Variants in ZNF180 observed in about 807,000 individuals in gnomAD.
ZNF180 encodes the protein zinc finger protein 180 (HHZ168).
ZNF180 carries 11 observed loss-of-function variants against 11.8 expected under a neutral mutation model. That is an observed-to-expected ratio of 0.93 (90% confidence interval 0.59 to 1.55). The LOEUF (loss-of-function observed/expected upper bound fraction) is 1.55, where lower values mean the gene tolerates loss of function less well. ZNF180 is among the 40% of genes most tolerant of loss of function. The probability of loss-of-function intolerance (pLI) is 0.00; values close to 1 mark genes in which losing one functional copy is unlikely to be tolerated. For missense variants in ZNF180, 773 were observed against 781.7 expected (o/e 0.99, Z 0.13); for synonymous variants, 287 against 257.7 (o/e 1.11, Z -1.09).
chr19:44,498,463 G>C (rs891916647), intron 1 of ZNF180, among the ~76,000 whole-genome samples: 3 of 152,052 alleles, frequency 2.0e-5, no homozygotes, highest in African/African-American at 7.3e-5. Flanking sequence ...TTACTCCACA[G>C]CCCCCTGCTT....
chr19:44,500,253 G>C (rs12977470), intron 1 of ZNF180, 22 bp downstream of exon 1: 728,364 of 1,613,442 alleles, frequency 0.45, 170,450 homozygotes, highest in South Asian at 0.52. Context: ...GACACCAAGC[G>C]CTGCCCCACG....
intron 3 of ZNF180, among the ~76,000 whole-genome samples, chr19:44,480,585 T>C (rs942791312): frequency 1.3e-5 from 2 of 152,230 alleles, no homozygotes; most frequent in Non-Finnish European, 2.9e-5. Flanking sequence ...TACTTAGGAC[T>C]GGAAGAATTT....
rs78758735 is a variant in ZNF180 at position 44,481,300 on chromosome 19, A to G, written c.127-1891T>C. On this transcript the variant is annotated intron_variant, in intron 3 of 4. Coordinates refer to ENST00000592529, the MANE Select transcript of ZNF180 (RefSeq NM_001278509.3). ...GAAAGCACATGCAAAATACTGCTGT[A>G]TATGCCTCTAAGTTTGAGCCTAAAA... 6.9e-3 allele frequency among the ~76,000 whole-genome samples: 1,046 copies of G among 152,320 alleles called. 23 individuals are homozygous for G. Among genetic ancestry groups the G allele is most frequent in the Admixed American group, 0.052 (803 of 15,296 alleles).
At position 44,477,308 on chromosome 19, in the gene ZNF180, G is replaced by A. The variant is rs2020083; in HGVS notation, c.1092C>T (p.Ser364=). ...YECSECGKSF[S]RSSHLVSHQR... The stretch of plus-strand genomic sequence containing the variant: ...GATGGGAAACAAGGTGCGAGCTCCG[G>A]CTGAAGGATTTTCCACATTCACTAC... Residue 364 remains serine (S), a synonymous_variant, in exon 5 of 5, where the codon AGC becomes AGT. Transcript: ENST00000592529. 0.11 allele frequency: 170,169 copies of A among 1,613,732 alleles called. 10,531 individuals are homozygous for A. Among genetic ancestry groups the A allele is most frequent in the East Asian group, 0.33 (14,824 of 44,806 alleles).
Position 44,500,383 on chromosome 19 carries a change from T to G in ZNF180, c.-152A>C. The G allele has an allele frequency of 9.9e-7, 1 of 1,005,274 alleles. No individual in the cohort carries two copies. The highest frequency in any genetic ancestry group is 1.5e-6 in the Non-Finnish European group (1 of 656,754). The allele number at this position is 1,005,274 out of a possible 1,614,324, so 62.3% of individuals were successfully genotyped here. A position where few individuals can be genotyped will look rare whatever the true frequency, so the allele number is the denominator to read the frequency against. ...GTTAGGCAACCCCCTGCCCCGATTC[T>G]GCAACACGGCCGACTCGGGTTAAGC... On this transcript the variant is annotated 5_prime_UTR_variant, in exon 1 of 5. Coordinates refer to ENST00000592529, the MANE Select transcript of ZNF180 (RefSeq NM_001278509.3).
intron 2 of ZNF180, chr19:44,496,520 A>C (rs2571111): frequency 0.3 from 45,210 of 151,464 alleles, 7,911 homozygotes; most frequent in South Asian, 0.4. Flanking sequence ...ACACACAAAA[A>C]ATATAAGCCA....
rs910851345 is a variant in ZNF180, at chr19:44,474,795, T to C, written c.*1607A>G. 5.9e-5 allele frequency: 9 copies of C among 152,230 alleles called. No homozygotes were observed. Among genetic ancestry groups the C allele is most frequent in the African/African-American group, 2.2e-4 (9 of 41,448 alleles). The allele number at this position is 152,230 out of a possible 1,614,324, so 9.4% of individuals were successfully genotyped here. The stretch of plus-strand genomic sequence containing the variant: ...AGATACTGAACCTCTTTCAGACTCA[T>C]TGAGGGTTCTTCAAAGTGTGGGTCA... On this transcript the variant is annotated 3_prime_UTR_variant, in exon 5 of 5. Transcript: ENST00000592529.
chr19:44,479,074 A>G (rs926147694), intron 4 of ZNF180, among the ~76,000 whole-genome samples: 2 of 152,202 alleles, frequency 1.3e-5, no homozygotes, highest in African/African-American at 4.8e-5. Flanking sequence ...GGTCTTTAGG[A>G]ACATGAAGAC....
Position 44,477,598 on chromosome 19 carries a change from G to T in ZNF180, c.802C>A (p.His268Asn), listed in dbSNP as rs1298892106. 2.5e-6 allele frequency: 4 copies of T among 1,613,938 alleles called. No individual in the cohort carries two copies. The highest frequency in any genetic ancestry group is 3.4e-6 in the Non-Finnish European group (4 of 1,180,014). ...AAATCAAAGGTTTTTCCTCCTCCAT[G>T]AATTTTTTCATGTATATGTAGGGGT... ...GTPLHIHEKI[H>N]GGGKTFDFKE... Residue 268 changes from histidine to asparagine, a missense_variant, in exon 5 of 5, where the codon CAT (histidine) becomes AAT (asparagine). His to Asn is a moderately conservative substitution (Grantham distance 68). Transcript: ENST00000592529.
In ZNF180 at chr19:44,484,358, T is replaced by C; in HGVS notation, c.126+3A>G. 2.5e-6 allele frequency: 4 copies of C among 1,610,382 alleles called. No homozygotes were observed. Among genetic ancestry groups the C allele is most frequent in the Non-Finnish European group, 3.4e-6 (4 of 1,176,608 alleles). ...GTAAAGACAGAGGCCTTGCCCAACC[T>C]ACCTGAGATGGGATGGTCAGAGACC... On this transcript the variant is annotated splice_donor_region_variant and intron_variant, in intron 3 of 4. Transcript: ENST00000592529.
Position 44,476,752 on chromosome 19 carries a change from A to G in ZNF180, c.1648T>C (p.Tyr550His), listed in dbSNP as rs1301492872. 1 of 1,614,160 alleles carries G rather than the reference A, an allele frequency of 6.2e-7. No homozygotes were observed. The highest frequency in any genetic ancestry group is 8.5e-7 in the Non-Finnish European group (1 of 1,180,008). ...HQRIHTGEKP[Y>H]ECNQCGKSFS... ...GATTTCCCACACTGATTACATTCAT[A>G]CGGTTTTTCCCCAGTGTGAATTCTC... is the stretch of plus-strand genomic sequence containing the variant. The change falls in exon 5 of 5, where the codon TAT (tyrosine) becomes CAT (histidine). Residue 550 changes from tyrosine to histidine, a missense_variant. Tyr to His is a moderately conservative substitution (Grantham distance 83). Transcript: ENST00000592529.
At position 44,476,312 on chromosome 19, in the gene ZNF180, ATAG is replaced by A; in HGVS notation, c.*87_*89del. ...AAGTTTTCCCACATATATTGTTTTTATAGTAGTTCTTCCAACTACATGTACTAC... is the reference window on the plus strand; with the variant it reads ...AAGTTTTCCCACATATATTGTTTTTATAGTTCTTCCAACTACATGTACTAC... On this transcript the variant is annotated 3_prime_UTR_variant, in exon 5 of 5. Coordinates refer to ENST00000592529, the MANE Select transcript of ZNF180 (RefSeq NM_001278509.3). The A allele has an allele frequency of 1.6e-6, 2 of 1,226,176 alleles. No individual in the cohort carries two copies. The highest frequency in any genetic ancestry group is 1.5e-5 in the African/African-American group (1 of 65,260). The allele number at this position is 1,226,176 out of a possible 1,614,324, so 76.0% of individuals were successfully genotyped here.
Position 44,500,425 on chromosome 19 carries a change from C to A in ZNF180, c.-194G>T, listed in dbSNP as rs1210648742. On this transcript the variant is annotated 5_prime_UTR_variant, in exon 1 of 5. Transcript: ENST00000592529. ...GGGTTAAGCTAGTTCGGTCCCCTCT[C>A]CTAGTCAGCATCCGCAAGGCCGCTG... The A allele has an allele frequency of 1.5e-6, 1 of 666,618 alleles. No individual in the cohort carries two copies. The highest frequency in any genetic ancestry group is 1.8e-5 in the African/African-American group (1 of 55,986). 41.3% of individuals were successfully genotyped at this position (666,618 alleles called of 1,614,324 possible). A position where few individuals can be genotyped will look rare whatever the true frequency, so the allele number is the denominator to read the frequency against.
Position 44,477,987 on chromosome 19 carries a change from T to C in ZNF180, c.413A>G (p.Gln138Arg), listed in dbSNP as rs1414324111. Residue 138 changes from glutamine to arginine, a missense_variant, in exon 5 of 5, where the codon CAA (glutamine) becomes CGA (arginine). Gln to Arg is a conservative substitution (Grantham distance 43). Transcript: ENST00000592529. The stretch of plus-strand genomic sequence containing the variant: ...CAAAAGTATCTCTTGTTTTTCCTGT[T>C]GCTTCTCCAACTGGTCTTTACAATC... ...VDDCKDQLEK[Q>R]QEKQEILLQE... The C allele has an allele frequency of 1.2e-6, 2 of 1,614,118 alleles. No homozygotes were observed. The highest frequency in any genetic ancestry group is 1.7e-6 in the Non-Finnish European group (2 of 1,179,986).
intron 2 of ZNF180, among the ~76,000 whole-genome samples, chr19:44,490,515 C>G (rs192084360): frequency 6.6e-6 from 1 of 152,090 alleles, no homozygotes; most frequent in African/African-American, 2.4e-5. Flanking sequence ...GATATACACC[C>G]GTGACAAATA....
intron 2 of ZNF180, among the ~76,000 whole-genome samples, chr19:44,494,501 C>CAAAAAAT (rs1555737915): frequency 0.3 from 45,944 of 150,984 alleles, 7,809 homozygotes; most frequent in African/African-American, 0.44. Flanking sequence ...CCTGTCTCTA[C>CAAAAAAT]AAAAAGTAAA....
rs1969868689 is a variant in ZNF180, at chr19:44,476,363, A to G, written c.*39T>C. 1 of 1,510,008 alleles carries G rather than the reference A, an allele frequency of 6.6e-7. No homozygotes were observed. Among genetic ancestry groups the G allele is most frequent in the African/African-American group, 1.4e-5 (1 of 71,662 alleles). The allele number at this position is 1,510,008 out of a possible 1,614,324, so 93.5% of individuals were successfully genotyped here. A position where few individuals can be genotyped will look rare whatever the true frequency, so the allele number is the denominator to read the frequency against. ...TACCTTAAAATAAATTTTTTAAAAG[A>G]ATGAAATAAAAAGGAAGAAATCCCA... On this transcript the variant is annotated 3_prime_UTR_variant, in exon 5 of 5. Transcript: ENST00000592529.
chr19:44,500,078 C>T (rs1370680336), intron 1 of ZNF180, 197 bp downstream of exon 1: 2 of 1,466,086 alleles, frequency 1.4e-6, no homozygotes, highest in Non-Finnish European at 1.9e-6. Flanking sequence ...ACCAAGCACC[C>T]GCGCATGCAC....
At position 44,495,145 on chromosome 19, in the gene ZNF180, C is replaced by T. The variant is rs1237953540; in HGVS notation, c.51+2139G>A. 1.3e-5 allele frequency among the ~76,000 whole-genome samples: 2 copies of T among 152,162 alleles called. No individual in the cohort carries two copies. Among genetic ancestry groups the T allele is most frequent in the South Asian group, 2.1e-4 (1 of 4,832 alleles). On this transcript the variant is annotated intron_variant, in intron 2 of 4. Transcript: ENST00000592529. The surrounding 1 kb of genome is among the most constrained non-coding windows in gnomAD (Gnocchi z 4.5). ...GTACCTCCCTGATTTGATGGCAAGG[C>T]GCCTGGCTCCAGTCCCTTATATATA...
Sources: gnomAD v4.1 joint callset for allele counts (sites outside exome capture counted in the v4.1 genomes callset) on GRCh38, gnomAD v4.1.1 for gene constraint, Gnocchi (gnomAD v3.1) non-coding constraint, MANE v1.5 for transcripts, NCBI Gene and HGNC (gene_info 2026-07-23, HGNC 2026-07-21) for gene names.